NAV3: variants seen among roughly 807,000 people sequenced by gnomAD.
NAV3 encodes neuron navigator 3.
NAV3 carries 87 observed loss-of-function variants against 244.7 expected under a neutral mutation model. The ratio of observed to expected loss-of-function variants is 0.36; its 90% CI spans 0.30 to 0.42. The LOEUF (loss-of-function observed/expected upper bound fraction) is 0.42. Ranked by LOEUF, NAV3 falls within the 20% of genes least tolerant of loss-of-function variation. The probability of loss-of-function intolerance (pLI) is 1.00; values close to 1 mark genes in which losing one functional copy is unlikely to be tolerated. For synonymous variants in NAV3, 1,126 were observed against 1,042.2 expected, an observed-to-expected ratio of 1.08 and a Z score of -1.55; for missense variants, 2,663 against 2,893.3, an observed-to-expected ratio of 0.92 and a Z score of 1.83.
At chr12:78,012,052 G>T (rs1875383534) in intron 8 of NAV3, among the ~76,000 whole-genome samples, 1 of 152,102 alleles carries the variant, frequency 6.6e-6, no homozygotes, top group Admixed American at 6.6e-5. Context: ...TTACAATTCA[G>T]ATCACAATTT....
chr12:77,611,841 A>G (rs752959231), intron 2 of NAV3, among the ~76,000 whole-genome samples: 10 of 152,016 alleles, frequency 6.6e-5, no homozygotes, highest in Non-Finnish European at 1.5e-4. Flanking sequence ...ATTGGGAGAA[A>G]AGGGACCAAG....
At chr12:78,179,016 C>A (rs1056010247) in intron 28 of NAV3, among the ~76,000 whole-genome samples, 10 of 152,014 alleles carry the variant, frequency 6.6e-5, no homozygotes, top group Non-Finnish European at 1.5e-4. Context: ...AAAGTAATAT[C>A]TCTAATTTAT....
At chr12:77,823,430 C>T (rs1251531480) in intron 2 of NAV3, among the ~76,000 whole-genome samples, 3 of 152,112 alleles carry the variant, frequency 2.0e-5, no homozygotes, top group African/African-American at 7.2e-5. Flanking sequence ...AGAGAAAGGA[C>T]CAGCAGAAAG....
At chr12:77,684,617 C>T (rs1208571962) in intron 2 of NAV3, among the ~76,000 whole-genome samples, 5 of 152,028 alleles carry the variant, frequency 3.3e-5, no homozygotes, top group African/African-American at 1.2e-4. Flanking sequence ...GCCACCATGC[C>T]CAGCCTACTT....
chr12:77,705,145 G>A (rs960235445), intron 2 of NAV3, among the ~76,000 whole-genome samples: 1 of 152,178 alleles, frequency 6.6e-6, no homozygotes, highest in Non-Finnish European at 1.5e-5. Flanking sequence ...CAAGTTGGGT[G>A]CAGTGGCTCA....
At chr12:77,817,494 A>G (rs1872568368) in intron 2 of NAV3, among the ~76,000 whole-genome samples, 1 of 152,112 alleles carries the variant, frequency 6.6e-6, no homozygotes, top group Non-Finnish European at 1.5e-5. Flanking sequence ...GTTGATTAAA[A>G]TGCTCTGCCA....
intron 2 of NAV3, among the ~76,000 whole-genome samples, chr12:77,648,413 T>C (rs73133987): frequency 0.036 from 5,535 of 152,250 alleles, 131 homozygotes; most frequent in Non-Finnish European, 0.055. Flanking sequence ...TCAAAGGTAG[T>C]TAACATTGCA....
intron 9 of NAV3, among the ~76,000 whole-genome samples, chr12:78,046,414 C>A (rs1292863266): frequency 6.6e-6 from 1 of 152,158 alleles, no homozygotes; most frequent in East Asian, 1.9e-4. Context: ...GTGTCCCAGA[C>A]ATTCTGGTAT....
chr12:77,672,474 A>G (rs1236300477), intron 2 of NAV3, among the ~76,000 whole-genome samples: 1 of 152,168 alleles, frequency 6.6e-6, no homozygotes, highest in African/African-American at 2.4e-5. Context: ...ACAACTTGCA[A>G]TTACAAGAAT....
intron 2 of NAV3, among the ~76,000 whole-genome samples, chr12:77,808,992 C>T (rs550427365): frequency 5.9e-5 from 9 of 152,164 alleles, no homozygotes; most frequent in Admixed American, 1.3e-4. Context: ...AAACCACCTA[C>T]TCAAGCCTCA....
intron 1 of NAV3, among the ~76,000 whole-genome samples, chr12:77,894,246 C>T (rs2136799142): frequency 6.6e-6 from 1 of 152,104 alleles, no homozygotes; most frequent in Non-Finnish European, 1.5e-5. Context: ...CAATTATGAA[C>T]ATAACCTAGA....
intron 24 of NAV3, among the ~76,000 whole-genome samples, chr12:78,171,176 A>G (rs1458196858): frequency 2.0e-5 from 3 of 151,774 alleles, no homozygotes; most frequent in South Asian, 4.1e-4. Flanking sequence ...GACTTTAGCA[A>G]CTTTCCATGT....
rs76384911 is a variant in NAV3, at chr12:77,729,521, C to T, written c.72+157255C>T. Among the ~76,000 whole-genome samples, 282 of 151,990 alleles carry T rather than the reference C, an allele frequency of 1.9e-3. 2 individuals are homozygous for T. The East Asian group carries it at 0.021, about 11-fold the overall frequency. On this transcript the variant is annotated intron_variant, in intron 2 of 8. Transcript: ENST00000550042. ...AGGAGGAAAAAAGTAAGGTCTATGACATTTGGAAAGTGAAATGTAAGATAA... is the reference window on the plus strand; with the variant it reads ...AGGAGGAAAAAAGTAAGGTCTATGATATTTGGAAAGTGAAATGTAAGATAA...
At chr12:77,721,755 G>A (rs1307958330) in intron 2 of NAV3, among the ~76,000 whole-genome samples, 4 of 152,108 alleles carry the variant, frequency 2.6e-5, no homozygotes, top group Admixed American at 6.6e-5. Flanking sequence ...TGGGAATGTA[G>A]CAATTTACAT....
intron 2 of NAV3, among the ~76,000 whole-genome samples, chr12:77,624,209 T>C (rs530475211): frequency 6.6e-6 from 1 of 152,228 alleles, no homozygotes; most frequent in South Asian, 2.1e-4. Flanking sequence ...AAAGGGTAGA[T>C]ACAAGCATGT....
rs564979887 is a variant in NAV3, at chr12:78,107,066, A to T, written c.2637-9706A>T. Among the ~76,000 whole-genome samples, 6 of 152,358 alleles carry T rather than the reference A, an allele frequency of 3.9e-5. No individual in the cohort carries two copies. The East Asian group carries it at 1.2e-3, about 29-fold the overall frequency. ...TATATCTAAAGGAAAAAATTTTCCC[A>T]TATGAAAGCGAATTCAAATATAGGA... is the stretch of plus-strand genomic sequence containing the variant. On this transcript the variant is annotated intron_variant, in intron 12 of 39. Transcript: ENST00000397909.
chr12:78,179,659 C>G lies in NAV3; in HGVS notation c.5494C>G (p.Arg1832Gly). 1.9e-6 allele frequency: 3 copies of G among 1,612,360 alleles called. No individual in the cohort carries two copies. The highest frequency in any genetic ancestry group is 2.5e-6 in the Non-Finnish European group (3 of 1,179,064). ...CTCTGCTCATCATCTTGATCAGATC[C>G]GGGAAGCCATGAACCGGATGCAGGT... ...LSSAHHLDQI[R>G]EAMNRMQNEI... Residue 1832 changes from arginine to glycine, a missense_variant, in exon 29 of 40, where the codon CGG (arginine) becomes GGG (glycine). Physicochemically the swap from Arg to Gly is moderately radical, Grantham distance 125. Around this residue, in one of 6 missense-constraint regions of NAV3, gnomAD observed 543 missense variants for 672.4 expected, o/e 0.81. Transcript: ENST00000397909.
chr12:78,121,838 G>T, intron 15 of NAV3, 102 bp from the exon 16 acceptor site: 2 of 1,435,210 alleles, frequency 1.4e-6, no homozygotes, highest in Non-Finnish European at 1.9e-6. Context: ...TTGTAGTTCA[G>T]TACATCAAAG....
chr12:78,119,614 C>T lies in NAV3; in HGVS notation c.3418C>T (p.Arg1140Cys), dbSNP rs1243156349. The part of the protein sequence containing the change: ...KTTLQYRSLP[R>C]PSKSSTSGIP... The stretch of plus-strand genomic sequence containing the variant: ...TACCCTACAATATCGCAGCTTGCCC[C>T]GCCCTTCAAAATCCAGCACCAGTGG... The change falls in exon 15 of 40, where the codon CGC (arginine) becomes TGC (cysteine). Residue 1140 changes from arginine to cysteine, a missense_variant. This residue lies in a region of NAV3 where 1,521 missense variants were observed against 1,497.0 expected (regional missense o/e 1.02). Coordinates refer to ENST00000397909, the MANE Select transcript of NAV3 (RefSeq NM_001024383.2). The T allele has an allele frequency of 3.7e-6, 6 of 1,614,178 alleles. No homozygotes were observed. Among genetic ancestry groups the T allele is most frequent in the Non-Finnish European group, 5.1e-6 (6 of 1,180,034 alleles).
Sources: gnomAD v4.1 joint callset for allele counts (sites outside exome capture counted in the v4.1 genomes callset) on GRCh38, gnomAD v4.1.1 for gene constraint, gnomAD v4.1.1 regional missense constraint, MANE v1.5 for transcripts, NCBI Gene and HGNC (gene_info 2026-07-23, HGNC 2026-07-21) for gene names.